NR3C2: variants seen among roughly 807,000 people sequenced by gnomAD.
NR3C2 encodes nuclear receptor subfamily 3 group C member 2.
In NR3C2, 15 loss-of-function variants were observed where a neutral mutation model predicts 86.4. The ratio of observed to expected loss-of-function variants is 0.17; its 90% CI spans 0.12 to 0.27. NR3C2 has a LOEUF of 0.27. NR3C2 is among the 10% of genes least tolerant of loss of function. The pLI is 1.00. For synonymous variants in NR3C2, 458 were observed against 450.5 expected, an observed-to-expected ratio of 1.02 and a Z score of -0.21; for missense variants, 960 against 1,195.6, an observed-to-expected ratio of 0.80 and a Z score of 2.91.
chr4:148,230,929 C>T (rs1044395035), intron 3 of NR3C2, among the ~76,000 whole-genome samples: 1 of 152,152 alleles, frequency 6.6e-6, no homozygotes, highest in Non-Finnish European at 1.5e-5. Context: ...ATTTAAGTAT[C>T]GATTACTGAA....
At chr4:148,090,813 ACAGAGAAAG>A (rs1295119069) in intron 8 of NR3C2, among the ~76,000 whole-genome samples, 4 of 152,168 alleles carry the variant, frequency 2.6e-5, no homozygotes, top group Non-Finnish European at 4.4e-5. Flanking sequence ...TGTTCCACAG[ACAGAGAAAG>A]CAGCTCATCC....
At chr4:148,169,871 CA>C (rs1735046453) in intron 4 of NR3C2, among the ~76,000 whole-genome samples, 1 of 152,188 alleles carries the variant, frequency 6.6e-6, no homozygotes, top group African/African-American at 2.4e-5. Context: ...TCATTTTTAA[CA>C]AACTTCCCAT....
At chr4:148,283,639 G>A (rs4087963) in intron 2 of NR3C2, among the ~76,000 whole-genome samples, 35,698 of 152,100 alleles carry the variant, frequency 0.23, 4,715 homozygotes, top group East Asian at 0.46. Flanking sequence ...TCATAGTTCA[G>A]TTGGCAAAAG....
chr4:148,359,537 A>G (rs1388169678), intron 2 of NR3C2, among the ~76,000 whole-genome samples: 1 of 152,178 alleles, frequency 6.6e-6, no homozygotes, highest in Non-Finnish European at 1.5e-5. Flanking sequence ...ATATCAATAA[A>G]TTTTATATGT....
At chr4:148,216,806 T>C (rs1737562154) in intron 3 of NR3C2, among the ~76,000 whole-genome samples, 1 of 152,202 alleles carries the variant, frequency 6.6e-6, no homozygotes, top group Non-Finnish European at 1.5e-5. Context: ...TTATCTTGAA[T>C]GTCAAATCAC....
At chr4:148,196,297 C>G (rs1359341464) in intron 3 of NR3C2, among the ~76,000 whole-genome samples, 4 of 152,124 alleles carry the variant, frequency 2.6e-5, no homozygotes, top group African/African-American at 9.7e-5. Flanking sequence ...AGGAATGACC[C>G]CAGCTCAGTC....
At chr4:148,389,642 G>T (rs563406684) in intron 2 of NR3C2, among the ~76,000 whole-genome samples, 1 of 152,130 alleles carries the variant, frequency 6.6e-6, no homozygotes, top group East Asian at 1.9e-4. Context: ...TTTAATAAGA[G>T]AATCTGTGTA....
intron 2 of NR3C2, among the ~76,000 whole-genome samples, chr4:148,402,234 T>A (rs1158687203): frequency 6.6e-6 from 1 of 152,118 alleles, no homozygotes; most frequent in African/African-American, 2.4e-5. Context: ...AGCAATAAAC[T>A]GCCAGATCAA....
intron 2 of NR3C2, among the ~76,000 whole-genome samples, chr4:148,430,247 C>G (rs1749737157): frequency 6.6e-6 from 1 of 152,066 alleles, no homozygotes; most frequent in African/African-American, 2.4e-5. Flanking sequence ...CTAACTGAAA[C>G]CATGGCTTTT....
At chr4:148,258,114 G>A (rs763634506) in intron 3 of NR3C2, among the ~76,000 whole-genome samples, 10 of 152,188 alleles carry the variant, frequency 6.6e-5, no homozygotes, top group Non-Finnish European at 1.3e-4. Context: ...CCAAAATGTG[G>A]GTTCTGACAT....
At chr4:148,383,144 T>C (rs1747085351) in intron 2 of NR3C2, among the ~76,000 whole-genome samples, 2 of 152,198 alleles carry the variant, frequency 1.3e-5, no homozygotes, top group Non-Finnish European at 2.9e-5. Context: ...ACATGTAGAA[T>C]AGCATGAAAT....
intron 3 of NR3C2, among the ~76,000 whole-genome samples, chr4:148,255,692 A>C (rs985864724): frequency 6.6e-6 from 1 of 152,222 alleles, no homozygotes; most frequent in Admixed American, 6.5e-5. Flanking sequence ...CTGAGTCTTC[A>C]AAAAGGAAAT....
intron 3 of NR3C2, among the ~76,000 whole-genome samples, chr4:148,256,585 C>T (rs1184360448): frequency 6.6e-6 from 1 of 152,168 alleles, no homozygotes. Context: ...CTTAATCTCA[C>T]ACCTAGTGAG....
At chr4:148,349,313 T>C (rs1745154284) in intron 2 of NR3C2, among the ~76,000 whole-genome samples, 1 of 152,128 alleles carries the variant, frequency 6.6e-6, no homozygotes, top group African/African-American at 2.4e-5. Flanking sequence ...TTGTCAATGA[T>C]CTTTTTATTT....
At chr4:148,374,038 T>G (rs1746552479) in intron 2 of NR3C2, among the ~76,000 whole-genome samples, 1 of 152,124 alleles carries the variant, frequency 6.6e-6, no homozygotes, top group Admixed American at 6.5e-5. Context: ...TATGAAATGG[T>G]ATCCTCCATC....
chr4:148,401,684 G>T (rs1024039968), intron 2 of NR3C2, among the ~76,000 whole-genome samples: 2 of 151,910 alleles, frequency 1.3e-5, no homozygotes, highest in African/African-American at 2.4e-5. Flanking sequence ...GGATGGTCTC[G>T]ATCTCCTGAC....
At chr4:148,352,177 C>A (rs1745315080) in intron 2 of NR3C2, among the ~76,000 whole-genome samples, 1 of 152,146 alleles carries the variant, frequency 6.6e-6, no homozygotes, top group African/African-American at 2.4e-5. Flanking sequence ...TACCCACTTT[C>A]CAGCAATGAA....
At chr4:148,433,665 G>C (rs1749903586) in intron 2 of NR3C2, among the ~76,000 whole-genome samples, 2 of 152,228 alleles carry the variant, frequency 1.3e-5, no homozygotes, top group East Asian at 1.9e-4. Flanking sequence ...TTAAGTAGCA[G>C]AGTTGGGATT....
chr4:148,439,147 A>T (rs1392258296), intron 1 of NR3C2, among the ~76,000 whole-genome samples: 1 of 152,242 alleles, frequency 6.6e-6, no homozygotes, highest in Non-Finnish European at 1.5e-5. Flanking sequence ...CAAATAGCTA[A>T]GACTGGCCTT....
Sources: gnomAD v4.1 joint callset for allele counts (sites outside exome capture counted in the v4.1 genomes callset) on GRCh38, gnomAD v4.1.1 for gene constraint, MANE v1.5 for transcripts, NCBI Gene and HGNC (gene_info 2026-07-23, HGNC 2026-07-21) for gene names.